The following MGAT4C variants were observed in gnomAD, a reference collection of about 807,000 sequenced individuals.
MGAT4C encodes alpha-1,3-mannosyl-glycoprotein 4-beta-N-acetylglucosaminyltransferase C.
In MGAT4C, 19 loss-of-function variants were observed where a neutral mutation model predicts 40.1. The ratio of observed to expected loss-of-function variants is 0.47; its 90% confidence interval spans 0.33 to 0.70. The LOEUF (loss-of-function observed/expected upper bound fraction) is 0.70, where lower values mean the gene tolerates loss of function less well. Among genes scored for constraint, MGAT4C ranks in the 30% least tolerant of loss-of-function variants. The pLI is 0.02. For synonymous variants in MGAT4C, 181 were observed against 187.1 expected, an observed-to-expected ratio of 0.97 and a Z score of 0.27; for missense variants, 491 against 563.2, an observed-to-expected ratio of 0.87 and a Z score of 1.30.
chr12:86,325,927 T>A (rs1243397024), intron 4 of MGAT4C, among the ~76,000 whole-genome samples: 1 of 151,794 alleles, frequency 6.6e-6, no homozygotes, highest in Non-Finnish European at 1.5e-5. Flanking sequence ...CCCTATACAG[T>A]CATTTTTATT....
chr12:86,495,190 T>C (rs1958215754), intron 2 of MGAT4C: 1 of 152,024 alleles, frequency 6.6e-6, no homozygotes, highest in Admixed American at 6.6e-5. Context: ...CTTGAGAGGA[T>C]AAATAGGCAG....
At chr12:86,811,872 C>T (rs962994189) in intron 1 of MGAT4C, among the ~76,000 whole-genome samples, 3 of 152,086 alleles carry the variant, frequency 2.0e-5, no homozygotes, top group Non-Finnish European at 4.4e-5. Context: ...ATTTGCTCTT[C>T]TATTTTCTAG....
At position 85,979,464 on chromosome 12, in the gene MGAT4C, T is replaced by TA; in HGVS notation, c.1261_1262insT (p.Lys421IlefsTer21). On this transcript the variant is annotated frameshift_variant, in exon 5 of 5. Transcript: ENST00000611864. LOFTEE classifies it high-confidence loss of function. ...GTAAGTAGAACATTGTCTCCTTTGTTTGCTAGGCATAACGTTTTCCCCAAC... is the reference window on the plus strand; with the variant it reads ...GTAAGTAGAACATTGTCTCCTTTGTTATGCTAGGCATAACGTTTTCCCCAAC... 1 of 1,613,522 alleles carries TA rather than the reference T, an allele frequency of 6.2e-7. No homozygotes were observed. The highest frequency in any genetic ancestry group is 8.5e-7 in the Non-Finnish European group (1 of 1,179,630).
chr12:86,377,163 C>T (rs1425505733), intron 3 of MGAT4C, among the ~76,000 whole-genome samples: 3 of 151,072 alleles, frequency 2.0e-5, no homozygotes, highest in African/African-American at 7.3e-5. Context: ...TAGGTTTAAG[C>T]GATTCTCCTG....
chr12:86,354,483 T>C (rs1252398043), intron 3 of MGAT4C, among the ~76,000 whole-genome samples: 1 of 152,112 alleles, frequency 6.6e-6, no homozygotes, highest in Non-Finnish European at 1.5e-5. Context: ...TGCGTCTCGA[T>C]GAAGGCAAAA....
intron 1 of MGAT4C, among the ~76,000 whole-genome samples, chr12:86,163,770 G>A (rs1038918435): frequency 2.6e-5 from 4 of 152,088 alleles, no homozygotes; most frequent in Non-Finnish European, 4.4e-5. Context: ...ATGAACCACT[G>A]AACCCTTATT....
At chr12:86,269,049 TATA>T (rs1952874386) in intron 4 of MGAT4C, among the ~76,000 whole-genome samples, 1 of 124,716 alleles carries the variant, frequency 8.0e-6, no homozygotes, top group Non-Finnish European at 1.7e-5. Flanking sequence ...TATATATATA[TATA>T]TATATATATT....
chr12:86,282,722 T>G (rs1017807828), intron 4 of MGAT4C, among the ~76,000 whole-genome samples: 2 of 152,098 alleles, frequency 1.3e-5, no homozygotes, highest in Non-Finnish European at 2.9e-5. Context: ...ATATATAACC[T>G]TGATTATTTC....
In MGAT4C at chr12:85,958,908, T is replaced by A. The variant is rs1030474594; in HGVS notation, c.*20381A>T. 6.6e-6 allele frequency: 1 copy of A among 152,078 alleles called. No individual in the cohort carries two copies. Among genetic ancestry groups the A allele is most frequent in the Non-Finnish European group, 1.5e-5 (1 of 67,986 alleles). 9.4% of individuals were successfully genotyped at this position (152,078 alleles called of 1,614,324 possible). ...GTTGTATAAAATTTTACAAACTTTA[T>A]ATTTTTGCATACACTTATCTTCCTG... On this transcript the variant is annotated 3_prime_UTR_variant, in exon 5 of 5. Coordinates refer to ENST00000611864, the MANE Select transcript of MGAT4C (RefSeq NM_001351288.2).
chr12:86,178,029 T>C (rs369610473), intron 1 of MGAT4C, among the ~76,000 whole-genome samples: 21 of 152,100 alleles, frequency 1.4e-4, no homozygotes, highest in East Asian at 5.8e-4. Flanking sequence ...CTCCGCCTCC[T>C]GGGTTCACAC....
intron 3 of MGAT4C, among the ~76,000 whole-genome samples, chr12:86,354,978 C>G (rs562450896): frequency 6.6e-6 from 1 of 152,272 alleles, no homozygotes; most frequent in South Asian, 2.1e-4. Flanking sequence ...TGGGGGCGGC[C>G]AGCTTTTATT....
At chr12:86,507,750 G>C (rs1335934703) in intron 2 of MGAT4C, among the ~76,000 whole-genome samples, 1 of 152,130 alleles carries the variant, frequency 6.6e-6, no homozygotes, top group East Asian at 1.9e-4. Context: ...ATAGTTTACT[G>C]AATCTTTGAG....
At chr12:86,070,180 T>C (rs1337518808) in intron 1 of MGAT4C, among the ~76,000 whole-genome samples, 1 of 151,944 alleles carries the variant, frequency 6.6e-6, no homozygotes, top group Non-Finnish European at 1.5e-5. Flanking sequence ...TATAATAAAC[T>C]TAACAAAGTC....
In MGAT4C at chr12:86,476,895, AG is replaced by A. The variant is rs1957844447; in HGVS notation, c.-228-41631del. Among the ~76,000 whole-genome samples the A allele has an allele frequency of 5.9e-5, 9 of 152,066 alleles. No individual in the cohort carries two copies. In the Admixed American group the frequency reaches 5.9e-4, roughly 10 times the overall value. On this transcript the variant is annotated intron_variant, in intron 2 of 7. Coordinates refer to the MGAT4C transcript ENST00000548651. ...AAGCCTTGGGGACTGATGAATATAAAGATGTTAGCAGTATAGACTGGGGGAT... is the reference window on the plus strand; with the variant it reads ...AAGCCTTGGGGACTGATGAATATAAAATGTTAGCAGTATAGACTGGGGGAT...
At chr12:86,255,523 AT>A (rs916729340) in intron 1 of MGAT4C, among the ~76,000 whole-genome samples, 4 of 152,218 alleles carry the variant, frequency 2.6e-5, no homozygotes, top group African/African-American at 9.6e-5. Context: ...ATAAAGATAT[AT>A]TTTTAGGATT....
intron 3 of MGAT4C, among the ~76,000 whole-genome samples, chr12:86,407,904 A>G (rs1956507271): frequency 1.3e-5 from 2 of 152,114 alleles, no homozygotes; most frequent in South Asian, 4.1e-4. Flanking sequence ...TGTATAGTTA[A>G]CAGATATCCA....
At chr12:86,297,929 T>G (rs1210013256) in intron 4 of MGAT4C, among the ~76,000 whole-genome samples, 7 of 152,136 alleles carry the variant, frequency 4.6e-5, no homozygotes, top group Admixed American at 3.3e-4. Context: ...AATAATGGAT[T>G]TTAAAGTCAG....
chr12:86,361,315 C>G (rs1174090569), intron 3 of MGAT4C, among the ~76,000 whole-genome samples: 2 of 152,170 alleles, frequency 1.3e-5, no homozygotes, highest in African/African-American at 2.4e-5. Context: ...CCCTTCCTTA[C>G]ACCTTATACA....
At chr12:86,496,198 AACCCAGG>A (rs1958231685) in intron 2 of MGAT4C, among the ~76,000 whole-genome samples, 1 of 151,886 alleles carries the variant, frequency 6.6e-6, no homozygotes, top group South Asian at 2.1e-4. Context: ...TAAAGACAAA[AACCCAGG>A]ACAGAGCCTG....
Sources: allele counts gnomAD v4.1 joint callset (sites outside exome capture counted in the v4.1 genomes callset), GRCh38; gene constraint gnomAD v4.1.1; transcripts MANE v1.5; gene names NCBI Gene and HGNC (gene_info 2026-07-23, HGNC 2026-07-21).